Variants in IQUB observed in about 807,000 individuals in gnomAD.
IQUB encodes the protein IQ motif and ubiquitin-like domain-containing protein.
In IQUB, 86 loss-of-function variants were observed where a neutral mutation model predicts 86.4. The ratio of observed to expected loss-of-function variants is 1.00; its 90% CI spans 0.84 to 1.19. IQUB has a LOEUF of 1.19. Among genes scored for constraint, IQUB ranks in the 50% most tolerant of loss-of-function variants. The pLI is 0.00. For missense variants in IQUB, 946 were observed against 916.9 expected, an observed-to-expected ratio of 1.03 and a Z score of -0.41; for synonymous variants, 289 against 304.5, an observed-to-expected ratio of 0.95 and a Z score of 0.53.
intron 8 of IQUB, among the ~76,000 whole-genome samples, chr7:123,471,387 G>T (rs1282664319): frequency 2.6e-5 from 4 of 152,080 alleles, no homozygotes; most frequent in African/African-American, 9.7e-5. Flanking sequence ...AAAGGCTAGG[G>T]CTAAGTTTCA....
chr7:123,509,190 T>C (rs1034936056), intron 3 of IQUB, among the ~76,000 whole-genome samples: 4 of 152,200 alleles, frequency 2.6e-5, no homozygotes, highest in Non-Finnish European at 5.9e-5. Context: ...TATAAAAACA[T>C]ATATTTAGGT....
At chr7:123,499,810 G>A (rs117577274) in intron 6 of IQUB, among the ~76,000 whole-genome samples, 2,842 of 152,274 alleles carry the variant, frequency 0.019, 48 homozygotes, top group Non-Finnish European at 0.023. Context: ...GGTGAAATGC[G>A]GCTGAAACTT....
At chr7:123,530,037 GAAAAC>G (rs1320211496) in intron 1 of IQUB, among the ~76,000 whole-genome samples, 1 of 149,580 alleles carries the variant, frequency 6.7e-6, no homozygotes, top group Non-Finnish European at 1.5e-5. Context: ...ATCTCAAAAA[GAAAAC>G]AAAACAAAAT....
intron 1 of IQUB, among the ~76,000 whole-genome samples, chr7:123,512,990 A>G (rs1796491413): frequency 6.6e-6 from 1 of 152,184 alleles, no homozygotes; most frequent in South Asian, 2.1e-4. Flanking sequence ...CAGATGCAGG[A>G]GCTAAATCAG....
At chr7:123,466,813 T>G (rs564329581) in intron 9 of IQUB, among the ~76,000 whole-genome samples, 3 of 152,262 alleles carry the variant, frequency 2.0e-5, no homozygotes, top group African/African-American at 7.2e-5. Flanking sequence ...AGTGAACCAC[T>G]GATTTTCATT....
At chr7:123,470,264 G>A (rs1794461633) in intron 8 of IQUB, among the ~76,000 whole-genome samples, 1 of 152,184 alleles carries the variant, frequency 6.6e-6, no homozygotes, top group African/African-American at 2.4e-5. Flanking sequence ...AACACTTACT[G>A]TCTATTAGCT....
chr7:123,462,815 A>C (rs947527983), intron 10 of IQUB: 2 of 455,274 alleles, frequency 4.4e-6, no homozygotes, highest in Admixed American at 4.7e-5. Flanking sequence ...ATGCCATGGA[A>C]AGATATTCTC....
chr7:123,530,116 CG>C (rs1562882266), intron 1 of IQUB, among the ~76,000 whole-genome samples: 2 of 152,078 alleles, frequency 1.3e-5, no homozygotes, highest in African/African-American at 2.4e-5. Context: ...GGCTGAAACA[CG>C]GATCACTTGA....
chr7:123,453,012 G>A, intron 12 of IQUB, 87 bp from the exon 13 acceptor site: 1 of 969,970 alleles, frequency 1.0e-6, no homozygotes, highest in East Asian at 2.6e-5. Flanking sequence ...GCCTTTGCTT[G>A]TCAATTCTTT....
chr7:123,528,240 T>C (rs201691493), intron 1 of IQUB, among the ~76,000 whole-genome samples: 1 of 152,150 alleles, frequency 6.6e-6, no homozygotes, highest in Non-Finnish European at 1.5e-5. Flanking sequence ...AGATGAACCC[T>C]GTACCTCAGA....
rs192672352 is a variant in IQUB, at chr7:123,499,809, C to T, written c.1023+2788G>A. The stretch of plus-strand genomic sequence containing the variant: ...TCTTGAATAGGAGCTGGGTGAAATG[C>T]GGCTGAAACTTACTGGGCTGCATTC... On this transcript the variant is annotated intron_variant, in intron 6 of 12. Coordinates refer to ENST00000324698, the MANE Select transcript of IQUB (RefSeq NM_178827.5). Among the ~76,000 whole-genome samples the T allele has an allele frequency of 8.5e-5, 13 of 152,258 alleles. No individual in the cohort carries two copies. The East Asian group carries it at 1.7e-3, about 20-fold the overall frequency.
chr7:123,504,122 TAA>T (rs1435017406), intron 3 of IQUB, among the ~76,000 whole-genome samples: 1 of 152,130 alleles, frequency 6.6e-6, no homozygotes, highest in Non-Finnish European at 1.5e-5. Flanking sequence ...CACATTGCTA[TAA>T]AAAACTACCT....
At chr7:123,459,351 T>C (rs1793874298) in intron 11 of IQUB, among the ~76,000 whole-genome samples, 1 of 152,026 alleles carries the variant, frequency 6.6e-6, no homozygotes, top group Admixed American at 6.6e-5. Context: ...TTGGATGAGA[T>C]TAACATTTAA....
At chr7:123,499,115 T>C (rs1165317553) in intron 6 of IQUB, among the ~76,000 whole-genome samples, 1 of 151,956 alleles carries the variant, frequency 6.6e-6, no homozygotes, top group Admixed American at 6.6e-5. Context: ...GTTTCCTTTT[T>C]TTCTTTTTTT....
chr7:123,481,604 T>C (rs1795005685), intron 7 of IQUB, among the ~76,000 whole-genome samples: 1 of 152,106 alleles, frequency 6.6e-6, no homozygotes, highest in Non-Finnish European at 1.5e-5. Flanking sequence ...GGCACACAAA[T>C]GTTAACCAAA....
At chr7:123,461,645 G>T in intron 10 of IQUB, 40 bp from the exon 11 acceptor site, 1 of 1,478,742 alleles carries the variant, frequency 6.8e-7, no homozygotes, top group Non-Finnish European at 9.0e-7. Flanking sequence ...GGTCTAAAAA[G>T]CCAGGCCAGG....
At chr7:123,519,096 A>G (rs71574748) in intron 1 of IQUB, among the ~76,000 whole-genome samples, 17,182 of 152,220 alleles carry the variant, frequency 0.11, 1,166 homozygotes, top group Middle Eastern at 0.18. Flanking sequence ...AATGCAAATC[A>G]AAACCACAAT....
At chr7:123,470,655 T>C (rs1472400139) in intron 8 of IQUB, among the ~76,000 whole-genome samples, 1 of 151,936 alleles carries the variant, frequency 6.6e-6, no homozygotes, top group Non-Finnish European at 1.5e-5. Context: ...ATCGAGACCA[T>C]CCTGGCTAAC....
rs73437469 is a variant in IQUB, at chr7:123,516,092, C to T, written c.-4-3748G>A. 3.5e-3 allele frequency among the ~76,000 whole-genome samples: 535 copies of T among 151,828 alleles called. 5 individuals are homozygous for T. Among genetic ancestry groups the T allele is most frequent in the Middle Eastern group, 0.017 (5 of 294 alleles). On this transcript the variant is annotated intron_variant, in intron 1 of 12. Transcript: ENST00000324698. ...AGATTATCCCTTACTAGAAAGATGACAAAAAGTAAAAGCAATTAATGCTCC... is the reference window on the plus strand; with the variant it reads ...AGATTATCCCTTACTAGAAAGATGATAAAAAGTAAAAGCAATTAATGCTCC...
Sources: allele counts gnomAD v4.1 joint callset (sites outside exome capture counted in the v4.1 genomes callset), GRCh38; gene constraint gnomAD v4.1.1; transcripts MANE v1.5; gene names NCBI Gene and HGNC (gene_info 2026-07-23, HGNC 2026-07-21).